Variants in SH3TC2 observed in about 807,000 individuals in gnomAD.
SH3TC2 encodes the protein SH3 domain and tetratricopeptide repeats 2, also known as SH3 domain and tetratricopeptide repeat-containing protein 2.
A neutral mutation model predicts 124.5 loss-of-function variants in SH3TC2; 87 were observed. The ratio of observed to expected loss-of-function variants is 0.70; its 90% CI spans 0.59 to 0.84. The LOEUF is 0.84. Among genes scored for constraint, SH3TC2 ranks in the 40% least tolerant of loss-of-function variants. The pLI, the probability that SH3TC2 is intolerant of heterozygous loss-of-function variation, is 0.00. For synonymous variants in SH3TC2, 634 were observed against 628.5 expected (o/e 1.01, Z -0.13); for missense variants, 1,536 against 1,566.4 (o/e 0.98, Z 0.33).
At chr5:149,041,649 A>G (rs1388069857) in intron 5 of SH3TC2, 32 bp from the exon 6 acceptor site, 2 of 1,605,646 alleles carry the variant, frequency 1.2e-6, no homozygotes, top group Admixed American at 1.7e-5. Context: ...ATGGCTTTCT[A>G]AGGAGTAGCA....
rs1184220031 is a variant in SH3TC2, at chr5:148,983,586, C to A, written c.*21125G>T. On this transcript the variant is annotated 3_prime_UTR_variant, in exon 17 of 17. Coordinates refer to ENST00000515425, the MANE Select transcript of SH3TC2 (RefSeq NM_024577.4). ...ATACTGATTTCATCTTGCTGAAGTG[C>A]ACATTCCCCTTCCAGTAACAGCAAT... 6.6e-6 allele frequency among the ~76,000 whole-genome samples: 1 copy of A among 152,162 alleles called. No individual in the cohort carries two copies. The highest frequency in any genetic ancestry group is 2.4e-5 in the African/African-American group (1 of 41,440).
intron 2 of SH3TC2, among the ~76,000 whole-genome samples, chr5:149,051,881 T>A (rs941225650): frequency 6.6e-5 from 10 of 152,234 alleles, no homozygotes; most frequent in African/African-American, 2.4e-4. Context: ...ATTTATGATA[T>A]ACTTTCTTCA....
At chr5:149,044,349 T>C (rs935933845) in intron 4 of SH3TC2, 184 bp downstream of exon 4, 21 of 575,522 alleles carry the variant, frequency 3.6e-5, no homozygotes, top group African/African-American at 2.6e-4. Context: ...CATTTTAGAA[T>C]AATAGTTAAT....
At position 149,044,413 on chromosome 5, in the gene SH3TC2, CT is replaced by C. The variant is rs572365763; in HGVS notation, c.385+119del. 5.8e-4 allele frequency: 434 copies of C among 748,778 alleles called. 3 individuals carry two copies. The African/African-American group carries it at 7.1e-3, about 12-fold the overall frequency. The allele number at this position is 748,778 out of a possible 1,614,324, so 46.4% of individuals were successfully genotyped here. On this transcript the variant is annotated intron_variant, in intron 4 of 16. Coordinates refer to ENST00000515425, the MANE Select transcript of SH3TC2 (RefSeq NM_024577.4). The stretch of plus-strand genomic sequence containing the variant: ...TTGTGAAATTTCAAAAGTTAACCAT[CT>C]TTTTTAAGGCTCTATTTCTCTTAAT...
intron 5 of SH3TC2, among the ~76,000 whole-genome samples, chr5:149,042,447 T>G (rs1754387228): frequency 6.6e-6 from 1 of 152,202 alleles, no homozygotes; most frequent in African/African-American, 2.4e-5. Context: ...AGCCCTGGCT[T>G]GGGTATCTTA....
rs79866394 is a variant in SH3TC2, at chr5:148,998,712, C to T, written c.*5999G>A. Among the ~76,000 whole-genome samples, 25,906 of 152,170 alleles carry T rather than the reference C, an allele frequency of 0.17. 2,523 individuals carry two copies. Among genetic ancestry groups the T allele is most frequent in the East Asian group, 0.24 (1,257 of 5,164 alleles). ...GGCAGCTGGGGAGAATCCCCACCCC[C>T]TAAGCAGTCACTTGTCTCTGCTTCT... On this transcript the variant is annotated 3_prime_UTR_variant, in exon 17 of 17. Coordinates refer to ENST00000515425, the MANE Select transcript of SH3TC2 (RefSeq NM_024577.4).
chr5:149,011,843 C>T (rs1309687774), intron 13 of SH3TC2, among the ~76,000 whole-genome samples: 1 of 152,138 alleles, frequency 6.6e-6, no homozygotes, highest in African/African-American at 2.4e-5. Flanking sequence ...CAGTATTTAA[C>T]ATCGATATTG....
chr5:149,032,170 C>A (rs1443738798), intron 8 of SH3TC2, among the ~76,000 whole-genome samples: 1 of 152,158 alleles, frequency 6.6e-6, no homozygotes, highest in Admixed American at 6.5e-5. Flanking sequence ...GAAAATCTGA[C>A]CATGGTCAGA....
rs71957589 is a variant in SH3TC2, at chr5:148,987,809, CTGTGTGTGTGTGTGTGTG to C, written c.*16884_*16901del. ...CCTCACTCGAGGCCTCATTCAAAAT[CTGTGTGTGTGTGTGTGTG>C]TGTGTGTGTGTGTGTGTGTGTGTGT... On this transcript the variant is annotated 3_prime_UTR_variant, in exon 17 of 17. Coordinates refer to ENST00000515425, the MANE Select transcript of SH3TC2 (RefSeq NM_024577.4). Among the ~76,000 whole-genome samples the C allele has an allele frequency of 5.2e-4, 71 of 135,416 alleles. No homozygotes were observed. Among genetic ancestry groups the C allele is most frequent in the African/African-American group, 1.8e-3 (64 of 36,200 alleles). The allele number at this position is 135,416 out of a possible 152,430, so 88.8% of individuals were successfully genotyped here.
chr5:149,033,423 A>G (rs1561767313), intron 8 of SH3TC2, among the ~76,000 whole-genome samples: 1 of 152,228 alleles, frequency 6.6e-6, no homozygotes, highest in Non-Finnish European at 1.5e-5. Flanking sequence ...TTAGTACATT[A>G]TTTAAAGAAA....
At chr5:149,011,927 A>T in intron 13 of SH3TC2, among the ~76,000 whole-genome samples, 1 of 152,342 alleles carries the variant, frequency 6.6e-6, no homozygotes, top group East Asian at 1.9e-4. Flanking sequence ...ATAAATGCTT[A>T]CTATGCATTT....
chr5:149,029,131 G>C (rs1370179800), intron 9 of SH3TC2, among the ~76,000 whole-genome samples: 1 of 152,200 alleles, frequency 6.6e-6, no homozygotes. Flanking sequence ...TCCCAGCACA[G>C]AACACGTGGG....
intron 1 of SH3TC2, among the ~76,000 whole-genome samples, chr5:149,061,822 C>T (rs1410387385): frequency 6.6e-6 from 1 of 152,084 alleles, no homozygotes; most frequent in African/African-American, 2.4e-5. Context: ...GGGGGAGGGA[C>T]TGAAAAGTGT....
At position 148,986,798 on chromosome 5, in the gene SH3TC2, A is replaced by C. The variant is rs1261006304; in HGVS notation, c.*17913T>G. 6.6e-6 allele frequency among the ~76,000 whole-genome samples: 1 copy of C among 152,192 alleles called. No homozygotes were observed. The highest frequency in any genetic ancestry group is 1.5e-5 in the Non-Finnish European group (1 of 68,038). On this transcript the variant is annotated 3_prime_UTR_variant, in exon 17 of 17. Transcript: ENST00000515425. The stretch of plus-strand genomic sequence containing the variant: ...TCCCATTCCCATGCTGTAATCTCCC[A>C]GTCCTGTTCTGTCTTGCTCCTCCAA...
intron 15 of SH3TC2, 22 bp from the exon 16 acceptor site, chr5:149,007,099 G>C: frequency 6.2e-7 from 1 of 1,610,532 alleles, no homozygotes; most frequent in South Asian, 1.1e-5. Context: ...AAGACTGAGA[G>C]AGATATCCTG....
intron 12 of SH3TC2, among the ~76,000 whole-genome samples, chr5:149,024,335 C>T (rs774925307): frequency 2.0e-5 from 3 of 152,178 alleles, no homozygotes; most frequent in Non-Finnish European, 2.9e-5. Flanking sequence ...CCATGCCAAG[C>T]TCTGTGCTAG....
At chr5:149,035,878 G>C (rs1052312003) in intron 8 of SH3TC2, 1 of 152,118 alleles carries the variant, frequency 6.6e-6, no homozygotes, top group African/African-American at 2.4e-5. Flanking sequence ...GTAAATTAGC[G>C]TGAGGTGCAG....
At position 148,997,835 on chromosome 5, in the gene SH3TC2, ATGT is replaced by A. The variant is rs567997802; in HGVS notation, c.*6873_*6875del. Among the ~76,000 whole-genome samples the A allele has an allele frequency of 2.3e-3, 343 of 152,314 alleles. No homozygotes were observed. The highest frequency in any genetic ancestry group is 3.4e-3 in the Non-Finnish European group (233 of 68,016). On this transcript the variant is annotated 3_prime_UTR_variant, in exon 17 of 17. Transcript: ENST00000515425. Reference sequence around the variant, plus strand: ...TAAAAATAATAGTAACTACACCAAAATGTTGTGTGATTACATGAGAGTCATCAC... The same window carrying A: ...TAAAAATAATAGTAACTACACCAAAATGTGTGATTACATGAGAGTCATCAC...
chr5:149,045,366 A>G (rs1191414450), intron 3 of SH3TC2: 1 of 152,206 alleles, frequency 6.6e-6, no homozygotes, highest in East Asian at 1.9e-4. Context: ...ATAATGAATT[A>G]TTATCATTTT....
Sources: allele counts gnomAD v4.1 joint callset (sites outside exome capture counted in the v4.1 genomes callset), GRCh38; gene constraint gnomAD v4.1.1; transcripts MANE v1.5; gene names NCBI Gene and HGNC (gene_info 2026-07-23, HGNC 2026-07-21).